Variants in RAB6B observed in about 807,000 individuals in gnomAD.
RAB6B encodes the protein RAB6B, member RAS oncogene family.
RAB6B carries 7 observed loss-of-function variants against 31.2 expected under a neutral mutation model. The ratio of observed to expected loss-of-function variants is 0.22; its 90% CI spans 0.13 to 0.42. The LOEUF (loss-of-function observed/expected upper bound fraction) is 0.42. RAB6B is among the 10% of genes least tolerant of loss of function. The pLI is 1.00. For synonymous variants in RAB6B, 105 were observed against 104.9 expected (o/e 1.00, Z -0.01); for missense variants, 149 against 280.6 (o/e 0.53, Z 3.35).
At chr3:133,850,638 A>AT (rs1284537325) in intron 2 of RAB6B, among the ~76,000 whole-genome samples, 5 of 152,172 alleles carry the variant, frequency 3.3e-5, no homozygotes. Context: ...GAGAAAAAAA[A>AT]TTGAGAAAAA....
intron 1 of RAB6B, among the ~76,000 whole-genome samples, chr3:133,890,256 GCCC>G (rs913166237): frequency 1.3e-5 from 2 of 152,110 alleles, no homozygotes; most frequent in African/African-American, 4.8e-5. Flanking sequence ...ATGAGGAAGT[GCCC>G]CCCAAGAACT....
chr3:133,884,416 C>G (rs144732290), intron 1 of RAB6B, among the ~76,000 whole-genome samples: 8 of 152,328 alleles, frequency 5.3e-5, no homozygotes, highest in Non-Finnish European at 1.2e-4. Context: ...TCAGCCTTAG[C>G]TTTTTGTGCA....
intron 1 of RAB6B, among the ~76,000 whole-genome samples, chr3:133,889,388 T>TTATATATATATATA (rs5852771): frequency 1.2e-5 from 1 of 80,280 alleles, no homozygotes; most frequent in African/African-American, 4.8e-5. Context: ...GGTTATTTTG[T>TTATATATATATATA]TATATATATA....
chr3:133,881,371 G>A (rs912314921), intron 1 of RAB6B, among the ~76,000 whole-genome samples: 1 of 152,220 alleles, frequency 6.6e-6, no homozygotes, highest in Non-Finnish European at 1.5e-5. Context: ...TCGGTGCACA[G>A]CCAAGGGCTT....
intron 2 of RAB6B, among the ~76,000 whole-genome samples, chr3:133,850,903 A>T (rs1935974848): frequency 6.6e-6 from 1 of 152,056 alleles, no homozygotes; most frequent in East Asian, 1.9e-4. Flanking sequence ...AAATCTTGAC[A>T]GTAGCCAGAG....
At position 133,839,632 on chromosome 3, in the gene RAB6B, T is replaced by C; in HGVS notation, c.290-15A>G. On this transcript the variant is annotated splice_polypyrimidine_tract_variant and intron_variant, in intron 4 of 7. Coordinates refer to ENST00000285208, the MANE Select transcript of RAB6B (RefSeq NM_016577.4). ...GGAGTTGAGATCTGGAGGCAGAAAG[T>C]GAGGATAAACTGAAAGCCAGGGCCA... 1.3e-6 allele frequency: 2 copies of C among 1,595,820 alleles called. No homozygotes were observed. Among genetic ancestry groups the C allele is most frequent in the Non-Finnish European group, 1.7e-6 (2 of 1,163,500 alleles).
At position 133,841,407 on chromosome 3, in the gene RAB6B, A is replaced by G; in HGVS notation, c.184-17T>C. ...CAGTCGCACCTGTCTCAGGGAGGGCAGGACCATGGGCAGAGGGGTCAGTGG... is the reference window on the plus strand; with the variant it reads ...CAGTCGCACCTGTCTCAGGGAGGGCGGGACCATGGGCAGAGGGGTCAGTGG... On this transcript the variant is annotated splice_polypyrimidine_tract_variant and intron_variant, in intron 3 of 7. Transcript: ENST00000285208. 6.2e-7 allele frequency: 1 copy of G among 1,613,680 alleles called. No individual in the cohort carries two copies. The highest frequency in any genetic ancestry group is 1.1e-5 in the South Asian group (1 of 91,076).
At chr3:133,842,308 T>C (rs7614063) in intron 2 of RAB6B, among the ~76,000 whole-genome samples, 416 of 152,360 alleles carry the variant, frequency 2.7e-3, no homozygotes, top group African/African-American at 9.5e-3. Flanking sequence ...CCCTGGCACC[T>C]GTGAGAGGCA....
chr3:133,893,388 T>C lies in RAB6B; in HGVS notation c.70+2009A>G, dbSNP rs1216148540. 2.6e-5 allele frequency among the ~76,000 whole-genome samples: 4 copies of C among 152,288 alleles called. No homozygotes were observed. In the East Asian group the frequency reaches 7.7e-4, roughly 29 times the overall value. On this transcript the variant is annotated intron_variant, in intron 1 of 7. Transcript: ENST00000285208. ...TGTTCCCTGGGGCTCAGACTTCCCA[T>C]TTGAACATATGGGAGAGGTGGTGGG... is the stretch of plus-strand genomic sequence containing the variant.
rs199714725 is a variant in RAB6B, at chr3:133,895,502, G to A, written c.-36C>T. 1 of 1,602,194 alleles carries A rather than the reference G, an allele frequency of 6.2e-7. No homozygotes were observed. Among genetic ancestry groups the A allele is most frequent in the East Asian group, 2.2e-5 (1 of 44,620 alleles). On this transcript the variant is annotated 5_prime_UTR_variant, in exon 1 of 8. Transcript: ENST00000285208. Reference sequence around the variant, plus strand: ...GCCGGGGCCGGGAGAGGAGGAGGAGGAAAAAGCGAAGGAGCAGGGAGGGGA... The same window carrying A: ...GCCGGGGCCGGGAGAGGAGGAGGAGAAAAAAGCGAAGGAGCAGGGAGGGGA...
chr3:133,846,006 A>AG lies in RAB6B; in HGVS notation c.130-4344dup, dbSNP rs1319328554. Among the ~76,000 whole-genome samples the AG allele has an allele frequency of 3.9e-5, 6 of 152,376 alleles. No individual in the cohort carries two copies. The South Asian group carries it at 6.2e-4, about 16-fold the overall frequency. On this transcript the variant is annotated intron_variant, in intron 2 of 7. Coordinates refer to ENST00000285208, the MANE Select transcript of RAB6B (RefSeq NM_016577.4). Reference sequence around the variant, plus strand: ...AAATGCATTGGATTTAAATAACAGTAGCTAGGACACTGCAGAGGAAAGCTC... The same window carrying AG: ...AAATGCATTGGATTTAAATAACAGTAGGCTAGGACACTGCAGAGGAAAGCTC...
chr3:133,850,050 G>A (rs1935956501), intron 2 of RAB6B, among the ~76,000 whole-genome samples: 2 of 151,412 alleles, frequency 1.3e-5, no homozygotes, highest in Non-Finnish European at 2.9e-5. Flanking sequence ...GATACAGAGA[G>A]GTGACCCCAA....
chr3:133,870,167 A>G (rs1393438673), intron 1 of RAB6B, among the ~76,000 whole-genome samples: 1 of 152,210 alleles, frequency 6.6e-6, no homozygotes, highest in Non-Finnish European at 1.5e-5. Context: ...ACTTACAATC[A>G]TGGCAGAAGG....
Position 133,828,417 on chromosome 3 carries a change from C to CCG in RAB6B, c.*370_*371insCG. The stretch of plus-strand genomic sequence containing the variant: ...GGAGGAGGTGTGTGGAAAAGGTTCT[C>CCG]TATAAGTTTACAAATATACAAAAAC... On this transcript the variant is annotated 3_prime_UTR_variant, in exon 8 of 8. Coordinates refer to ENST00000285208, the MANE Select transcript of RAB6B (RefSeq NM_016577.4). The CCG allele has an allele frequency of 2.7e-6, 1 of 365,436 alleles. No individual in the cohort carries two copies. 22.6% of individuals were successfully genotyped at this position (365,436 alleles called of 1,614,324 possible). A position where few individuals can be genotyped will look rare whatever the true frequency, so the allele number is the denominator to read the frequency against.
chr3:133,830,597 G>A, intron 7 of RAB6B, among the ~76,000 whole-genome samples: 1 of 151,958 alleles, frequency 6.6e-6, no homozygotes, highest in South Asian at 2.1e-4. Flanking sequence ...TCATTCCTTG[G>A]GCCAGGGTGC....
At chr3:133,849,613 G>A (rs970333919) in intron 2 of RAB6B, among the ~76,000 whole-genome samples, 17 of 152,210 alleles carry the variant, frequency 1.1e-4, no homozygotes. Context: ...GTCAGAATCA[G>A]TTTCCCTGAA....
chr3:133,843,074 A>G (rs1330648986), intron 2 of RAB6B, among the ~76,000 whole-genome samples: 1 of 152,252 alleles, frequency 6.6e-6, no homozygotes, highest in Non-Finnish European at 1.5e-5. Context: ...AACTCGTTCC[A>G]CAAAGGACTG....
At chr3:133,833,062 C>T (rs532757176) in intron 7 of RAB6B, among the ~76,000 whole-genome samples, 1 of 152,318 alleles carries the variant, frequency 6.6e-6, no homozygotes, top group Admixed American at 6.5e-5. Context: ...GCAGTGCAAC[C>T]CTTCCCCTTG....
intron 7 of RAB6B, among the ~76,000 whole-genome samples, chr3:133,832,873 G>A (rs1383850471): frequency 2.0e-5 from 3 of 152,188 alleles, no homozygotes; most frequent in African/African-American, 7.2e-5. Flanking sequence ...TGGATGAAAC[G>A]CTAGGCATAC....
Sources: gnomAD v4.1 joint callset for allele counts (sites outside exome capture counted in the v4.1 genomes callset) on GRCh38, gnomAD v4.1.1 for gene constraint, MANE v1.5 for transcripts, NCBI Gene and HGNC (gene_info 2026-07-23, HGNC 2026-07-21) for gene names.